PTN: variants seen among roughly 807,000 people sequenced by gnomAD.
PTN encodes heparin affin regulatory protein.
Under a neutral mutation model 24.1 loss-of-function variants are expected in PTN, and 18 were observed. The observed-to-expected ratio is 0.75, with a 90% CI of 0.52 to 1.11. The LOEUF (loss-of-function observed/expected upper bound fraction) is 1.11, where lower values mean the gene tolerates loss of function less well. Among genes scored for constraint, PTN ranks in the 50% least tolerant of loss-of-function variants. The probability of loss-of-function intolerance (pLI) is 0.00; values close to 1 mark genes in which losing one functional copy is unlikely to be tolerated. For synonymous variants in PTN, 78 were observed against 68.6 expected, an observed-to-expected ratio of 1.14 and a Z score of -0.67; for missense variants, 163 against 198.8, an observed-to-expected ratio of 0.82 and a Z score of 1.08.
At chr7:137,233,711 T>C (rs1016870553) in intron 4 of PTN, among the ~76,000 whole-genome samples, 8 of 151,790 alleles carry the variant, frequency 5.3e-5, no homozygotes, top group East Asian at 1.9e-4. Flanking sequence ...ACATGTGTTG[T>C]GAAAAATAGA....
chr7:137,237,460 T>C (rs893221382), intron 4 of PTN, among the ~76,000 whole-genome samples: 24 of 152,200 alleles, frequency 1.6e-4, no homozygotes, highest in Non-Finnish European at 2.2e-4. Flanking sequence ...ATATTTCATT[T>C]TTGTGTATCC....
At chr7:137,305,359 C>T (rs1310928143) in intron 1 of PTN, among the ~76,000 whole-genome samples, 3 of 152,018 alleles carry the variant, frequency 2.0e-5, no homozygotes, top group African/African-American at 7.2e-5. Flanking sequence ...CTGTATGAAT[C>T]AGAGCAACCA....
chr7:137,316,785 G>A (rs940283822), intron 1 of PTN, among the ~76,000 whole-genome samples: 6 of 152,140 alleles, frequency 3.9e-5, no homozygotes, highest in Non-Finnish European at 5.9e-5. Flanking sequence ...GCCGGCTGCC[G>A]GGTTTGGTGA....
intron 1 of PTN, among the ~76,000 whole-genome samples, chr7:137,312,245 A>G (rs1229293193): frequency 3.3e-5 from 5 of 152,238 alleles, no homozygotes; most frequent in African/African-American, 4.8e-5. Flanking sequence ...GTGAAAATGA[A>G]TATAAATTAG....
intron 1 of PTN, among the ~76,000 whole-genome samples, chr7:137,290,558 AG>A (rs1404763609): frequency 3.3e-5 from 5 of 152,346 alleles, no homozygotes; most frequent in East Asian, 1.9e-4. Context: ...GTAATGCTTT[AG>A]AGTGTCCAAT....
intron 1 of PTN, among the ~76,000 whole-genome samples, chr7:137,288,716 C>T (rs1017324597): frequency 6.6e-6 from 1 of 152,056 alleles, no homozygotes; most frequent in Non-Finnish European, 1.5e-5. Context: ...GGGAAGAAAC[C>T]TTTTATCTGA....
At chr7:137,264,285 A>G (rs1194937876) in intron 1 of PTN, among the ~76,000 whole-genome samples, 4 of 152,220 alleles carry the variant, frequency 2.6e-5, no homozygotes, top group Admixed American at 2.6e-4. Context: ...ATAACCATAA[A>G]GTAATAGGAC....
chr7:137,304,632 T>C (rs1809858416), intron 1 of PTN, among the ~76,000 whole-genome samples: 2 of 151,952 alleles, frequency 1.3e-5, no homozygotes, highest in Admixed American at 6.6e-5. Context: ...CTGCAAGTTC[T>C]CAAAAATAAA....
At chr7:137,300,671 G>A (rs1029216089) in intron 1 of PTN, among the ~76,000 whole-genome samples, 1 of 151,890 alleles carries the variant, frequency 6.6e-6, no homozygotes, top group Non-Finnish European at 1.5e-5. Flanking sequence ...ACTCAGCACA[G>A]CGGATCTCCC....
At position 137,254,949 on chromosome 7, in the gene PTN, G is replaced by A; in HGVS notation, c.25C>T (p.Gln9Ter). 6.3e-7 allele frequency: 1 copy of A among 1,574,934 alleles called. No homozygotes were observed. Among genetic ancestry groups the A allele is most frequent in the Non-Finnish European group, 8.7e-7 (1 of 1,151,250 alleles). The change falls in exon 2 of 5, where the codon CAG (glutamine) becomes TAG (stop). Residue 9 changes from glutamine (Q) to a stop codon, truncating the protein, a stop_gained. Coordinates refer to ENST00000348225, the MANE Select transcript of PTN (RefSeq NM_002825.7). LOFTEE classifies it high-confidence loss of function. ...AAGGCAGCTGCAAATTTTCGACGCTGCTGCTGGTACTGTTGAGCCTGCATT... is the reference window on the plus strand; with the variant it reads ...AAGGCAGCTGCAAATTTTCGACGCTACTGCTGGTACTGTTGAGCCTGCATT... Reference protein sequence around the residue: MQAQQYQQQRRKFAAAFLA... With the variant: MQAQQYQQ
At chr7:137,309,120 C>A (rs1416770037) in intron 1 of PTN, among the ~76,000 whole-genome samples, 1 of 152,174 alleles carries the variant, frequency 6.6e-6, no homozygotes, top group Non-Finnish European at 1.5e-5. Flanking sequence ...GGAGATACTG[C>A]ACATTGGGTT....
At chr7:137,324,451 T>TATATATAA (rs1460014447) in intron 1 of PTN, among the ~76,000 whole-genome samples, 6,688 of 133,260 alleles carry the variant, frequency 0.05, 263 homozygotes, top group East Asian at 0.13. Context: ...TATATATATA[T>TATATATAA]AAATTAACCT....
In PTN at chr7:137,321,082, C is replaced by T. The variant is rs111369408; in HGVS notation, c.-2+22357G>A. Among the ~76,000 whole-genome samples the T allele has an allele frequency of 3.9e-3, 593 of 152,274 alleles. 4 individuals are homozygous for T. Among genetic ancestry groups the T allele is most frequent in the African/African-American group, 0.013 (530 of 41,558 alleles). On this transcript the variant is annotated intron_variant, in intron 1 of 4. Coordinates refer to ENST00000348225, the MANE Select transcript of PTN (RefSeq NM_002825.7). ...CCAGGCTAATGGACAGTTAAGGAAA[C>T]GACCCAACAGCTATTAGGGCTCCCT...
chr7:137,290,623 A>G (rs1219996336), intron 1 of PTN, among the ~76,000 whole-genome samples: 1 of 152,148 alleles, frequency 6.6e-6, no homozygotes, highest in East Asian at 1.9e-4. Flanking sequence ...AGTTGAGTAG[A>G]CAAATTATTA....
rs1265424285 is a variant in PTN, at chr7:137,333,970, G to A, written c.-2+9469C>T. On this transcript the variant is annotated intron_variant, in intron 1 of 4. Coordinates refer to ENST00000348225, the MANE Select transcript of PTN (RefSeq NM_002825.7). Reference sequence around the variant, plus strand: ...GATTCCCTATTTAATAAATGGTGCTGGGAAAACTGGCTAGCCATATGTAGA... The same window carrying A: ...GATTCCCTATTTAATAAATGGTGCTAGGAAAACTGGCTAGCCATATGTAGA... Among the ~76,000 whole-genome samples, 4 of 152,178 alleles carry A rather than the reference G, an allele frequency of 2.6e-5. No homozygotes were observed. In the East Asian group the frequency reaches 5.8e-4, roughly 22 times the overall value.
At chr7:137,324,393 G>A (rs1810216905) in intron 1 of PTN, among the ~76,000 whole-genome samples, 1 of 127,108 alleles carries the variant, frequency 7.9e-6, no homozygotes, top group African/African-American at 3.6e-5. Context: ...CTCCAGCCTG[G>A]GCAGCACAGC....
At chr7:137,317,208 G>A (rs1169732161) in intron 1 of PTN, among the ~76,000 whole-genome samples, 2 of 152,178 alleles carry the variant, frequency 1.3e-5, no homozygotes, top group East Asian at 3.9e-4. Context: ...TCAGATGGAG[G>A]CTCTGCTTCC....
chr7:137,309,189 T>G (rs1489599943), intron 1 of PTN, among the ~76,000 whole-genome samples: 1 of 152,208 alleles, frequency 6.6e-6, no homozygotes, highest in Non-Finnish European at 1.5e-5. Flanking sequence ...ATTTTTTTGG[T>G]TCCCCAGTGC....
At chr7:137,304,234 C>T (rs971049695) in intron 1 of PTN, among the ~76,000 whole-genome samples, 1 of 151,946 alleles carries the variant, frequency 6.6e-6, no homozygotes, top group Non-Finnish European at 1.5e-5. Flanking sequence ...TCCTGACAGC[C>T]AAGTACTTGC....
Sources: allele counts gnomAD v4.1 joint callset (sites outside exome capture counted in the v4.1 genomes callset), GRCh38; gene constraint gnomAD v4.1.1; transcripts MANE v1.5; gene names NCBI Gene and HGNC (gene_info 2026-07-23, HGNC 2026-07-21).